IMMP2L: variants seen among roughly 807,000 people sequenced by gnomAD.
The protein encoded by IMMP2L is inner mitochondrial membrane peptidase subunit 2, also known as mitochondrial inner membrane protease subunit 2.
IMMP2L carries 18 observed loss-of-function variants against 19.3 expected under a neutral mutation model. That is an observed-to-expected ratio of 0.93 (90% confidence interval 0.64 to 1.38). The LOEUF is 1.38. IMMP2L is among the 40% of genes most tolerant of loss of function. The probability of loss-of-function intolerance (pLI) is 0.00; values close to 1 mark genes in which losing one functional copy is unlikely to be tolerated. For missense variants in IMMP2L, 233 were observed against 218.2 expected, an observed-to-expected ratio of 1.07 and a Z score of -0.43; for synonymous variants, 76 against 73.0, an observed-to-expected ratio of 1.04 and a Z score of -0.21.
chr7:110,928,619 T>C (rs1178448683), intron 4 of IMMP2L, among the ~76,000 whole-genome samples: 1 of 151,296 alleles, frequency 6.6e-6, no homozygotes, highest in African/African-American at 2.4e-5. Flanking sequence ...CAGACAAACA[T>C]AGAAAGAAAA....
intron 2 of IMMP2L, among the ~76,000 whole-genome samples, chr7:111,508,671 T>C (rs1265606693): frequency 6.6e-6 from 1 of 152,002 alleles, no homozygotes; most frequent in Non-Finnish European, 1.5e-5. Context: ...TTTGTGAGTA[T>C]GCAAAAAATG....
chr7:111,234,326 T>C (rs1814048088), intron 3 of IMMP2L, among the ~76,000 whole-genome samples: 1 of 152,074 alleles, frequency 6.6e-6, no homozygotes, highest in Admixed American at 6.6e-5. Flanking sequence ...ATTCATAGGG[T>C]TGTTCAGGTC....
At chr7:111,498,609 G>T (rs981968588) in intron 2 of IMMP2L, among the ~76,000 whole-genome samples, 3 of 151,988 alleles carry the variant, frequency 2.0e-5, no homozygotes, top group African/African-American at 7.2e-5. Flanking sequence ...GAGGCTGCAT[G>T]ATTCCCTCAG....
chr7:111,493,410 G>GA (rs1161292903), intron 2 of IMMP2L, among the ~76,000 whole-genome samples: 2 of 151,588 alleles, frequency 1.3e-5, no homozygotes, highest in African/African-American at 2.4e-5. Flanking sequence ...TTATTAAAAA[G>GA]AAAAAAAACA....
At chr7:111,462,749 T>C (rs1380326035) in intron 3 of IMMP2L, among the ~76,000 whole-genome samples, 2 of 152,188 alleles carry the variant, frequency 1.3e-5, no homozygotes, top group African/African-American at 4.8e-5. Context: ...ATACAGTTCG[T>C]CTATAGGGCC....
intron 3 of IMMP2L, among the ~76,000 whole-genome samples, chr7:111,078,340 T>C (rs1468872248): frequency 6.6e-6 from 1 of 152,190 alleles, no homozygotes; most frequent in African/African-American, 2.4e-5. Flanking sequence ...CTGTATAATA[T>C]ATCAGGAGTC....
intron 3 of IMMP2L, among the ~76,000 whole-genome samples, chr7:111,090,390 C>T (rs1796733433): frequency 6.6e-6 from 1 of 151,756 alleles, no homozygotes; most frequent in African/African-American, 2.4e-5. Context: ...ATCCTAAATA[C>T]ACACACACAC....
chr7:111,075,712 T>C (rs1397377931), intron 3 of IMMP2L, among the ~76,000 whole-genome samples: 3 of 152,128 alleles, frequency 2.0e-5, no homozygotes, highest in Non-Finnish European at 4.4e-5. Context: ...TCTCAGGACT[T>C]CTTGTCTCTG....
intron 3 of IMMP2L, among the ~76,000 whole-genome samples, chr7:111,234,906 A>T (rs759937943): frequency 6.6e-6 from 1 of 152,098 alleles, no homozygotes; most frequent in Non-Finnish European, 1.5e-5. Flanking sequence ...ATATGTCACG[A>T]AGTCCACAAT....
At chr7:110,992,436 A>G (rs1822576927) in intron 3 of IMMP2L, among the ~76,000 whole-genome samples, 1 of 152,024 alleles carries the variant, frequency 6.6e-6, no homozygotes, top group African/African-American at 2.4e-5. Flanking sequence ...AAATATTAAC[A>G]AAGAAATAGG....
intron 5 of IMMP2L, among the ~76,000 whole-genome samples, chr7:110,826,020 G>A (rs890224559): frequency 4.6e-5 from 7 of 152,108 alleles, no homozygotes; most frequent in African/African-American, 1.7e-4. Context: ...ATCAAAAAGT[G>A]GGCGAAGGAT....
At position 111,295,056 on chromosome 7, in the gene IMMP2L, C is replaced by T. The variant is rs956267030; in HGVS notation, c.239+192182G>A. ...TTCTGATAATATGTGAAGTTTCAAACTGCATATTACAGCATTTTGCAGCAT... is the reference window on the plus strand; with the variant it reads ...TTCTGATAATATGTGAAGTTTCAAATTGCATATTACAGCATTTTGCAGCAT... On this transcript the variant is annotated intron_variant, in intron 3 of 5. Coordinates refer to ENST00000405709, the MANE Select transcript of IMMP2L (RefSeq NM_032549.4). Among the ~76,000 whole-genome samples the T allele has an allele frequency of 1.5e-4, 23 of 151,822 alleles. 1 individual carries two copies. Among genetic ancestry groups the T allele is most frequent in the East Asian group, 1.9e-4 (1 of 5,190 alleles).
At chr7:110,951,410 A>G (rs1585410128) in intron 4 of IMMP2L, among the ~76,000 whole-genome samples, 1 of 152,200 alleles carries the variant, frequency 6.6e-6, no homozygotes, top group East Asian at 1.9e-4. Flanking sequence ...TCATAACAAA[A>G]ATTTGATAAT....
In IMMP2L at chr7:111,550,529, G is replaced by C. The variant is rs182562535; in HGVS notation, c.-3+11322C>G. ...CTGGTGGGGGATGTTGATCATGCAGGAGAGGCTATGCATGTGTGAGGGCAG... is the reference window on the plus strand; with the variant it reads ...CTGGTGGGGGATGTTGATCATGCAGCAGAGGCTATGCATGTGTGAGGGCAG... On this transcript the variant is annotated intron_variant, in intron 1 of 5. Transcript: ENST00000405709. 3.3e-5 allele frequency among the ~76,000 whole-genome samples: 5 copies of C among 152,178 alleles called. No individual in the cohort carries two copies. In the East Asian group the frequency reaches 9.7e-4, roughly 29 times the overall value.
intron 3 of IMMP2L, among the ~76,000 whole-genome samples, chr7:111,189,478 C>A (rs990496806): frequency 1.3e-5 from 2 of 151,604 alleles, no homozygotes; most frequent in Admixed American, 6.6e-5. Context: ...CAGTTATTTT[C>A]TCTACAGCTT....
intron 5 of IMMP2L, among the ~76,000 whole-genome samples, chr7:110,848,589 C>A (rs1245969235): frequency 6.6e-6 from 1 of 152,090 alleles, no homozygotes; most frequent in African/African-American, 2.4e-5. Flanking sequence ...CTTATGTGCA[C>A]ACAAAAATCT....
At chr7:111,321,704 T>C (rs1158182642) in intron 3 of IMMP2L, among the ~76,000 whole-genome samples, 2 of 151,916 alleles carry the variant, frequency 1.3e-5, no homozygotes, top group Non-Finnish European at 2.9e-5. Context: ...AAATAGACAC[T>C]TGAATGTGGT....
intron 3 of IMMP2L, among the ~76,000 whole-genome samples, chr7:111,220,416 A>G (rs1457598295): frequency 6.6e-6 from 1 of 152,064 alleles, no homozygotes; most frequent in East Asian, 1.9e-4. Flanking sequence ...AATTTCTTTA[A>G]AAGATTTGGA....
chr7:110,829,492 G>A (rs1398855516), intron 5 of IMMP2L, among the ~76,000 whole-genome samples: 1 of 152,176 alleles, frequency 6.6e-6, no homozygotes, highest in African/African-American at 2.4e-5. Flanking sequence ...CTGAGGGGTG[G>A]TGTTCTATAA....
Sources: gnomAD v4.1 joint callset for allele counts (sites outside exome capture counted in the v4.1 genomes callset) on GRCh38, gnomAD v4.1.1 for gene constraint, MANE v1.5 for transcripts, NCBI Gene and HGNC (gene_info 2026-07-23, HGNC 2026-07-21) for gene names.